CLSPN: variants seen among roughly 807,000 people sequenced by gnomAD.
CLSPN encodes the protein claspin homolog.
CLSPN carries 85 observed loss-of-function variants against 156.3 expected under a neutral mutation model. The ratio of observed to expected loss-of-function variants is 0.54; its 90% CI spans 0.46 to 0.65. The LOEUF is 0.65. Among genes scored for constraint, CLSPN ranks in the 30% least tolerant of loss-of-function variants. The pLI is 0.00. For synonymous variants in CLSPN, 534 were observed against 542.4 expected (o/e 0.98, Z 0.22); for missense variants, 1,407 against 1,554.9 (o/e 0.90, Z 1.60).
At chr1:35,721,687 C>T (rs1487136362) in intron 24 of CLSPN, among the ~76,000 whole-genome samples, 1 of 151,848 alleles carries the variant, frequency 6.6e-6, no homozygotes, top group African/African-American at 2.4e-5. Flanking sequence ...TGTGCCTGGC[C>T]GATGCTATCA....
chr1:35,749,747 T>C lies in CLSPN; in HGVS notation c.2093A>G (p.Glu698Gly), dbSNP rs1332691913. The change falls in exon 11 of 25, where the codon GAA becomes GGA. Residue 698 changes from glutamate to glycine, a missense_variant. Around this residue, in one of 3 missense-constraint regions of CLSPN, gnomAD observed 1,096 missense variants for 1,193.0 expected, o/e 0.92. Transcript: ENST00000318121. Reference protein sequence around the residue: ...ETKDEKEMDKENNDGSSEIGK... With the variant: ...ETKDEKEMDKGNNDGSSEIGK... ...AATTTCACTACTGCCATCATTATTTTCTTTATCCATTTCTTTTTCATCTTT... is the reference window on the plus strand; with the variant it reads ...AATTTCACTACTGCCATCATTATTTCCTTTATCCATTTCTTTTTCATCTTT... The C allele has an allele frequency of 9.9e-6, 16 of 1,614,122 alleles. No homozygotes were observed. In the South Asian group the frequency reaches 1.8e-4, roughly 18 times the overall value.
chr1:35,742,323 T>C (rs1264294337), intron 18 of CLSPN, among the ~76,000 whole-genome samples: 2 of 152,126 alleles, frequency 1.3e-5, no homozygotes, highest in African/African-American at 2.4e-5. Flanking sequence ...TGAGGCTCAG[T>C]TCCTTCAACT....
rs753111038 is a variant in CLSPN at position 35,738,125 on chromosome 1, T to A, written c.3559-28A>T. 1,936 of 488,768 alleles carry A rather than the reference T, an allele frequency of 4.0e-3. 73 individuals are homozygous for A. Among genetic ancestry groups the A allele is most frequent in the South Asian group, 8.7e-3 (138 of 15,776 alleles). The allele number at this position is 488,768 out of a possible 1,614,324, so 30.3% of individuals were successfully genotyped here. ...GAAAAAAAAAAAAAATATATATATA[T>A]ATATATATATATATACAGCATTAAA... is the stretch of plus-strand genomic sequence containing the variant. On this transcript the variant is annotated intron_variant, in intron 21 of 24. Coordinates refer to ENST00000318121, the MANE Select transcript of CLSPN (RefSeq NM_022111.4).
chr1:35,738,241 CT>C lies in CLSPN; in HGVS notation c.3559-145del, dbSNP rs1557501316. 1.1e-5 allele frequency: 7 copies of C among 652,018 alleles called. No homozygotes were observed. The East Asian group carries it at 2.1e-4, about 20-fold the overall frequency. The allele number at this position is 652,018 out of a possible 1,614,324, so 40.4% of individuals were successfully genotyped here. The stretch of plus-strand genomic sequence containing the variant: ...GTTTTCCTTTTTGCAGCCTTTGCTG[CT>C]TTAGACAAAAAAAAATTAATCTTAG... On this transcript the variant is annotated intron_variant, in intron 21 of 24. Transcript: ENST00000318121.
At chr1:35,737,304 A>T in intron 23 of CLSPN, 35 bp downstream of exon 23, 1 of 1,558,848 alleles carries the variant, frequency 6.4e-7, no homozygotes, top group Non-Finnish European at 8.8e-7. Context: ...TAACCTGTAG[A>T]CTATGATGTC....
chr1:35,732,075 C>T, downstream of CLSPN: 1 of 861,964 alleles, frequency 1.2e-6, no homozygotes, highest in Non-Finnish European at 1.4e-6. Context: ...TCTGAGACAG[C>T]CATGACTTAG....
At chr1:35,726,263 A>C (rs1255060047) in intron 24 of CLSPN, among the ~76,000 whole-genome samples, 2 of 150,624 alleles carry the variant, frequency 1.3e-5, no homozygotes, top group Admixed American at 6.6e-5. Flanking sequence ...ATGGGAATGT[A>C]GTAAATGTTT....
intron 2 of CLSPN, 52 bp from the exon 3 acceptor site, chr1:35,764,766 G>A (rs1571223511): frequency 2.6e-6 from 3 of 1,139,904 alleles, no homozygotes; most frequent in Middle Eastern, 4.1e-4. Flanking sequence ...CTTCCTCCTA[G>A]TCCCACTACT....
Position 35,733,841 on chromosome 1 carries a change from G to T in CLSPN, c.*2655C>A. Reference sequence around the variant, plus strand: ...AAAATAAAATAATTAGCTGGGCATGGTGGCATATGCCTGTAATGTGGCCCA... The same window carrying T: ...AAAATAAAATAATTAGCTGGGCATGTTGGCATATGCCTGTAATGTGGCCCA... On this transcript the variant is annotated 3_prime_UTR_variant, in exon 25 of 25. Transcript: ENST00000318121. 2 of 503,712 alleles carry T rather than the reference G, an allele frequency of 4.0e-6. No homozygotes were observed. The highest frequency in any genetic ancestry group is 5.1e-6 in the Non-Finnish European group (2 of 390,526). 31.2% of individuals were successfully genotyped at this position (503,712 alleles called of 1,614,324 possible).
rs1220424110 is a variant in CLSPN, at chr1:35,761,158, A to G, written c.942T>C (p.Ile314=). The G allele has an allele frequency of 1.9e-6, 3 of 1,613,976 alleles. No homozygotes were observed. The highest frequency in any genetic ancestry group is 3.3e-5 in the Admixed American group (2 of 60,028). ...LPYHMPENKT[I]HDFFKRKPRP... is the part of the protein sequence containing the mutation. ...GGGGTTTACGTTTGAAGAAATCATG[A>G]ATGGTTTTATTCTCAGGCATATGAT... Residue 314 remains isoleucine (I), a synonymous_variant, in exon 7 of 25, where the codon ATT becomes ATC. Transcript: ENST00000318121.
At chr1:35,737,474 T>C in intron 22 of CLSPN, 53 bp from the exon 23 acceptor site, 1 of 1,377,048 alleles carries the variant, frequency 7.3e-7, no homozygotes, top group South Asian at 1.2e-5. Flanking sequence ...TTAGAATTAC[T>C]TTTAAATCTA....
chr1:35,725,281 G>C (rs545891677), intron 24 of CLSPN, among the ~76,000 whole-genome samples: 64 of 152,120 alleles, frequency 4.2e-4, no homozygotes, highest in African/African-American at 1.5e-3. Context: ...GGTCTTTTCG[G>C]AGCTGCTGGA....
At chr1:35,721,011 G>T in intron 24 of CLSPN, 1 of 1,458,990 alleles carries the variant, frequency 6.9e-7, no homozygotes, top group Non-Finnish European at 9.6e-7. Flanking sequence ...GACGAGGCAG[G>T]GAAGAAACAG....
Position 35,735,046 on chromosome 1 carries a change from G to A in CLSPN, c.*1450C>T, listed in dbSNP as rs1641418935. 1.0e-6 allele frequency: 1 copy of A among 985,408 alleles called. No homozygotes were observed. The highest frequency in any genetic ancestry group is 1.2e-6 in the Non-Finnish European group (1 of 829,914). The allele number at this position is 985,408 out of a possible 1,614,324, so 61.0% of individuals were successfully genotyped here. Reference sequence around the variant, plus strand: ...GTAATGAAATGCTGAAATGTCCATTGATTAGTGAGGGCAATGTATGTAAGC... The same window carrying A: ...GTAATGAAATGCTGAAATGTCCATTAATTAGTGAGGGCAATGTATGTAAGC... On this transcript the variant is annotated 3_prime_UTR_variant, in exon 25 of 25. Coordinates refer to ENST00000318121, the MANE Select transcript of CLSPN (RefSeq NM_022111.4).
At chr1:35,728,539 A>AT (rs1641244973), downstream of CLSPN, among the ~76,000 whole-genome samples, 1 of 152,162 alleles carries the variant, frequency 6.6e-6, no homozygotes, top group South Asian at 2.1e-4. Context: ...AAAGTTGATG[A>AT]TAAGTTCTTC....
intron 22 of CLSPN, 102 bp downstream of exon 22, chr1:35,737,890 C>T (rs972316491): frequency 3.4e-6 from 2 of 589,148 alleles, no homozygotes; most frequent in Non-Finnish European, 5.7e-6. Flanking sequence ...TAGACACAAG[C>T]TTATGATTAA....
At chr1:35,728,921 AACACACACACACACACACACACAC>A (rs58348673), downstream of CLSPN, among the ~76,000 whole-genome samples, 107 of 85,138 alleles carry the variant, frequency 1.3e-3, no homozygotes, top group African/African-American at 2.1e-3. Flanking sequence ...CCTCCCCTCA[AACACACACACACACACACACACAC>A]ACACACACAC....
At position 35,750,327 on chromosome 1, in the gene CLSPN, T is replaced by A. The variant is rs1010119352; in HGVS notation, c.2029-516A>T. 2.0e-5 allele frequency among the ~76,000 whole-genome samples: 3 copies of A among 150,844 alleles called. No homozygotes were observed. The South Asian group carries it at 6.3e-4, about 31-fold the overall frequency. On this transcript the variant is annotated intron_variant, in intron 10 of 24. Coordinates refer to ENST00000318121, the MANE Select transcript of CLSPN (RefSeq NM_022111.4). ...TCTGGTCAACATAGTGAGACCCTCA[T>A]CTCAAAAAAATTTAAATAAATAAAT...
chr1:35,753,985 T>C lies in CLSPN; in HGVS notation c.1580-49A>G, dbSNP rs754468283. On this transcript the variant is annotated intron_variant, in intron 8 of 24. Transcript: ENST00000318121. ...TGTCAGTTTGCCATGCTCAAAACTC[T>C]TTCCTTTAAGACTTATAAGCTAAGT... is the stretch of plus-strand genomic sequence containing the variant. The C allele has an allele frequency of 1.1e-5, 18 of 1,573,690 alleles. No individual in the cohort carries two copies. The Admixed American group carries it at 2.0e-4, about 17-fold the overall frequency.
Sources: allele counts gnomAD v4.1 joint callset (sites outside exome capture counted in the v4.1 genomes callset), GRCh38; gene constraint gnomAD v4.1.1; regional missense constraint gnomAD v4.1.1; transcripts MANE v1.5; gene names NCBI Gene and HGNC (gene_info 2026-07-23, HGNC 2026-07-21).